Variants in GSE1 observed in about 807,000 individuals in gnomAD.
The protein encoded by GSE1 is Gse1 coiled-coil protein.
In GSE1, 32 loss-of-function variants were observed where a neutral mutation model predicts 112.6. The observed-to-expected ratio is 0.28, with a 90% CI of 0.21 to 0.38. The LOEUF is 0.38. Among genes scored for constraint, GSE1 ranks in the 10% least tolerant of loss-of-function variants. The pLI is 1.00. For synonymous variants in GSE1, 1,115 were observed against 735.6 expected (o/e 1.52, Z -8.35); for missense variants, 2,348 against 1,699.2 (o/e 1.38, Z -6.71).
At position 85,519,723 on chromosome 16, in the gene GSE1, C is replaced by G. The variant is rs568709190; in HGVS notation, c.2465-114191C>G. Reference sequence around the variant, plus strand: ...CAGTCTCCATCACTGTCATCATCATCACCATCACCATCACCACCATCAGCA... The same window carrying G: ...CAGTCTCCATCACTGTCATCATCATGACCATCACCATCACCACCATCAGCA... On this transcript the variant is annotated intron_variant, in intron 2 of 2. Coordinates refer to the GSE1 transcript ENST00000637419. Among the ~76,000 whole-genome samples the G allele has an allele frequency of 3.4e-5, 5 of 145,876 alleles. No homozygotes were observed. The South Asian group carries it at 6.9e-4, about 20-fold the overall frequency.
chr16:85,198,924 A>T (rs539791918), intron 1 of GSE1, among the ~76,000 whole-genome samples: 190 of 150,604 alleles, frequency 1.3e-3, no homozygotes, highest in African/African-American at 4.4e-3. Flanking sequence ...GACTACAGGC[A>T]TGCACCACCA....
chr16:85,573,397 G>C (rs2046092156), intron 1 of GSE1, among the ~76,000 whole-genome samples: 2 of 152,070 alleles, frequency 1.3e-5, no homozygotes, highest in African/African-American at 4.8e-5. Context: ...TCTACTTTTT[G>C]GTTATTACGA....
chr16:85,238,331 C>T (rs955599725), intron 1 of GSE1, among the ~76,000 whole-genome samples: 10 of 152,222 alleles, frequency 6.6e-5, no homozygotes, highest in Admixed American at 6.5e-4. Flanking sequence ...TCTTCCAGAA[C>T]CATCGCCTCT....
chr16:85,539,623 T>C (rs868848480), intron 2 of GSE1, among the ~76,000 whole-genome samples: 6 of 152,332 alleles, frequency 3.9e-5, no homozygotes, highest in South Asian at 2.1e-4. Flanking sequence ...TTCTCCACTG[T>C]TGGAGGCCGT....
At chr16:85,177,579 A>T (rs986742646) in intron 1 of GSE1, among the ~76,000 whole-genome samples, 7 of 152,148 alleles carry the variant, frequency 4.6e-5, no homozygotes, top group Admixed American at 1.3e-4. Context: ...ATCACAGGCG[A>T]TTTGCGTTGT....
chr16:85,668,029 G>T (rs1048909864), intron 13 of GSE1, 111 bp from the exon 14 acceptor site: 1 of 794,646 alleles, frequency 1.3e-6, no homozygotes, highest in East Asian at 2.5e-5. Context: ...GGTCCCCGGA[G>T]CCCTGCAGTC....
At chr16:85,596,964 T>C (rs1479338348) in intron 1 of GSE1, among the ~76,000 whole-genome samples, 4 of 151,014 alleles carry the variant, frequency 2.6e-5, no homozygotes, top group Admixed American at 2.0e-4. Context: ...TTGTAGTTGT[T>C]TTTTTGTTTG....
chr16:85,643,115 G>T (rs1380898734), intron 2 of GSE1, among the ~76,000 whole-genome samples: 1 of 152,166 alleles, frequency 6.6e-6, no homozygotes, highest in African/African-American at 2.4e-5. Flanking sequence ...TGACTTTGGG[G>T]TGTCAGCTGT....
chr16:85,423,530 T>G (rs1424963037), intron 2 of GSE1, among the ~76,000 whole-genome samples: 2 of 149,898 alleles, frequency 1.3e-5, no homozygotes, highest in Non-Finnish European at 3.0e-5. Context: ...CAACACAGGC[T>G]GGGGGGCCGC....
chr16:85,640,959 G>C (rs2050396391), intron 2 of GSE1, among the ~76,000 whole-genome samples: 2 of 152,348 alleles, frequency 1.3e-5, no homozygotes, highest in Middle Eastern at 3.4e-3. Context: ...AAGGCCCACG[G>C]AGAGGACCCC....
intron 1 of GSE1, among the ~76,000 whole-genome samples, chr16:85,617,113 G>A (rs1019980749): frequency 1.3e-5 from 2 of 152,202 alleles, no homozygotes; most frequent in African/African-American, 2.4e-5. Context: ...GTCTGCCTGG[G>A]ATTCTCCCGT....
At chr16:85,617,136 C>T (rs1396082448) in intron 1 of GSE1, among the ~76,000 whole-genome samples, 1 of 152,228 alleles carries the variant, frequency 6.6e-6, no homozygotes, top group Non-Finnish European at 1.5e-5. Flanking sequence ...GCTCCAAAGC[C>T]CACCTGTCAC....
chr16:85,485,227 C>G (rs1022852587), intron 2 of GSE1, among the ~76,000 whole-genome samples: 3 of 152,260 alleles, frequency 2.0e-5, no homozygotes, highest in African/African-American at 4.8e-5. Flanking sequence ...GGGCCACCCA[C>G]TCACGGTTTC....
chr16:85,629,657 G>T (rs550682844), intron 1 of GSE1, among the ~76,000 whole-genome samples: 1 of 152,190 alleles, frequency 6.6e-6, no homozygotes, highest in Non-Finnish European at 1.5e-5. Flanking sequence ...CTCATAGGGC[G>T]GCCAAGATGT....
intron 2 of GSE1, among the ~76,000 whole-genome samples, chr16:85,385,609 A>T (rs9932762): frequency 5.9e-5 from 9 of 152,084 alleles, no homozygotes; most frequent in Non-Finnish European, 1.0e-4. Context: ...GTCCCGTGGC[A>T]CCCCCAGGGC....
At chr16:85,395,920 G>A (rs1443598476) in intron 2 of GSE1, among the ~76,000 whole-genome samples, 2 of 152,134 alleles carry the variant, frequency 1.3e-5, no homozygotes, top group Non-Finnish European at 1.5e-5. Flanking sequence ...GAGTCCCGGC[G>A]GCCTGAGTCC....
At chr16:85,617,836 C>T (rs1409234796) in intron 1 of GSE1, among the ~76,000 whole-genome samples, 1 of 152,092 alleles carries the variant, frequency 6.6e-6, no homozygotes, top group Non-Finnish European at 1.5e-5. Flanking sequence ...CCTGGGAAGC[C>T]AGAGACCGCC....
chr16:85,661,150 G>A lies in GSE1; in HGVS notation c.1645G>A (p.Gly549Arg). ...AGGGTTGGTTTCACTCCCTAGGCCA[G>A]GACCAAACCGTCACGAGCCAGGTGG... The part of the protein sequence containing the change: ...EHRPESTTRP[G>R]PNRHEPGGRD... The change falls in exon 9 of 16, where the codon GGA becomes AGA. Residue 549 changes from glycine (G) to arginine (R), a missense_variant. Coordinates refer to ENST00000253458, the MANE Select transcript of GSE1 (RefSeq NM_014615.5). 1 of 1,584,346 alleles carries A rather than the reference G, an allele frequency of 6.3e-7. No homozygotes were observed. The highest frequency in any genetic ancestry group is 8.6e-7 in the Non-Finnish European group (1 of 1,159,390).
chr16:85,666,007 G>A lies in GSE1; in HGVS notation c.2790G>A (p.Val930=). 1.9e-6 allele frequency: 3 copies of A among 1,613,452 alleles called. No homozygotes were observed. The highest frequency in any genetic ancestry group is 1.7e-6 in the Non-Finnish European group (2 of 1,179,842). The part of the protein sequence containing the change: ...EPATQQASLD[V]EKPVGVAASL... ...CCACGCAGCAAGCCTCTCTGGATGT[G>A]GAGAAGCCGGTTGGTGTTGCTGCTT... is the stretch of plus-strand genomic sequence containing the variant. The change falls in exon 13 of 16, where the codon GTG becomes GTA. Residue 930 remains valine (V), a synonymous_variant. Transcript: ENST00000253458.
Sources: allele counts gnomAD v4.1 joint callset (sites outside exome capture counted in the v4.1 genomes callset), GRCh38; gene constraint gnomAD v4.1.1; transcripts MANE v1.5; gene names NCBI Gene and HGNC (gene_info 2026-07-23, HGNC 2026-07-21).